Variants in PDE6C observed in about 807,000 individuals in gnomAD.
PDE6C encodes phosphodiesterase 6C, also known as cone cGMP-specific 3',5'-cyclic phosphodiesterase subunit alpha'.
In PDE6C, 75 loss-of-function variants were observed where a neutral mutation model predicts 113.1. The observed-to-expected ratio is 0.66, with a 90% CI of 0.55 to 0.80. The LOEUF is 0.80. Ranked by LOEUF, PDE6C falls within the 30% of genes least tolerant of loss-of-function variation. PDE6C has a pLI of 0.00. For missense variants in PDE6C, 912 were observed against 1,038.6 expected, an observed-to-expected ratio of 0.88 and a Z score of 1.67; for synonymous variants, 375 against 363.7, an observed-to-expected ratio of 1.03 and a Z score of -0.35.
At chr10:93,664,693 A>G (rs1340128176) in intron 21 of PDE6C, among the ~76,000 whole-genome samples, 1 of 152,150 alleles carries the variant, frequency 6.6e-6, no homozygotes, top group Non-Finnish European at 1.5e-5. Context: ...ACAAAAATTT[A>G]CTTCTGAGTT....
rs575953970 is a variant in PDE6C at position 93,620,882 on chromosome 10, C to T, written c.634-9C>T. On this transcript the variant is annotated splice_polypyrimidine_tract_variant and intron_variant, in intron 2 of 21. Transcript: ENST00000371447. ...ACAACCATAACTTGTTATTCTCTGC[C>T]GTCTGTAGGTCTTTTCCAAATACCT... The T allele has an allele frequency of 2.3e-5, 37 of 1,613,196 alleles. 1 individual carries two copies. The highest frequency in any genetic ancestry group is 1.2e-4 in the Admixed American group (7 of 60,020).
Position 93,640,169 on chromosome 10 carries a change from C to T in PDE6C, c.1582C>T (p.Leu528=). 1 of 1,613,340 alleles carries T rather than the reference C, an allele frequency of 6.2e-7. No homozygotes were observed. Among genetic ancestry groups the T allele is most frequent in the Non-Finnish European group, 8.5e-7 (1 of 1,179,320 alleles). ...EHGLIKCGIR[L]FFEINVVEKF... is the part of the protein sequence containing the mutation. ...CGGATTGATTAAATGTGGAATACGA[C>T]TGTTTTTTGAAATAAATGTGGTGGA... Residue 528 remains leucine, a synonymous_variant, in exon 12 of 22, where the codon CTG becomes TTG. Transcript: ENST00000371447.
intron 15 of PDE6C, among the ~76,000 whole-genome samples, chr10:93,651,869 G>C (rs1427996524): frequency 6.6e-6 from 1 of 152,148 alleles, no homozygotes; most frequent in East Asian, 1.9e-4. Flanking sequence ...GTTGTTTTGT[G>C]TTGTCAAAGT....
intron 1 of PDE6C, among the ~76,000 whole-genome samples, chr10:93,614,967 A>G (rs962680663): frequency 2.6e-5 from 4 of 152,188 alleles, no homozygotes; most frequent in Non-Finnish European, 5.9e-5. Flanking sequence ...TTTTCTCTCT[A>G]GAGTGGGGAT....
chr10:93,623,446 C>T lies in PDE6C; in HGVS notation c.864+1374C>T, dbSNP rs149029110. Reference sequence around the variant, plus strand: ...TCTCTTAACAGTGTCTGCTGCAGAGCAGAAGGTTTTAATTTTAATGAAGTC... The same window carrying T: ...TCTCTTAACAGTGTCTGCTGCAGAGTAGAAGGTTTTAATTTTAATGAAGTC... On this transcript the variant is annotated intron_variant, in intron 4 of 21. Coordinates refer to ENST00000371447, the MANE Select transcript of PDE6C (RefSeq NM_006204.4). Among the ~76,000 whole-genome samples, 122 of 152,258 alleles carry T rather than the reference C, an allele frequency of 8.0e-4. 1 individual carries two copies. The East Asian group carries it at 0.022, about 28-fold the overall frequency.
In PDE6C at chr10:93,640,910, AT is replaced by A. The variant is rs758568616; in HGVS notation, c.1738-3del. 15 of 1,541,978 alleles carry A rather than the reference AT, an allele frequency of 9.7e-6. No individual in the cohort carries two copies. The highest frequency in any genetic ancestry group is 2.2e-5 in the East Asian group (1 of 44,454). On this transcript the variant is annotated splice_polypyrimidine_tract_variant and intron_variant, in intron 13 of 21. Coordinates refer to ENST00000371447, the MANE Select transcript of PDE6C (RefSeq NM_006204.4). ...AATTATAGATATGCATATATATGTT[AT>A]TTTTTTAGACAGGAAGATTAAAGAA...
intron 16 of PDE6C, among the ~76,000 whole-genome samples, chr10:93,657,818 C>T (rs1365219803): frequency 2.0e-5 from 3 of 151,986 alleles, no homozygotes; most frequent in Non-Finnish European, 2.9e-5. Flanking sequence ...CAATTTCATG[C>T]TACATTACAA....
chr10:93,664,174 A>AT (rs1257932109), intron 21 of PDE6C, among the ~76,000 whole-genome samples: 2 of 152,138 alleles, frequency 1.3e-5, no homozygotes, highest in African/African-American at 4.8e-5. Flanking sequence ...ATCTTGAACA[A>AT]TTTACCATTT....
chr10:93,624,456 T>C lies in PDE6C; in HGVS notation c.865-1119T>C, dbSNP rs539492054. Among the ~76,000 whole-genome samples, 4 of 152,304 alleles carry C rather than the reference T, an allele frequency of 2.6e-5. 1 individual carries two copies. The highest frequency in any genetic ancestry group is 9.6e-5 in the African/African-American group (4 of 41,562). ...TTTCGCCACGTTGGCCAGACTGGTC[T>C]CGAACTCCTGTCCTCAAGTGATCCG... On this transcript the variant is annotated intron_variant, in intron 4 of 21. Coordinates refer to ENST00000371447, the MANE Select transcript of PDE6C (RefSeq NM_006204.4).
chr10:93,663,524 T>G (rs1027036925), intron 21 of PDE6C, among the ~76,000 whole-genome samples: 2 of 151,992 alleles, frequency 1.3e-5, no homozygotes, highest in Admixed American at 1.3e-4. Flanking sequence ...GAGAAAAAAG[T>G]TTTTGTCCCA....
chr10:93,665,318 T>C (rs751310032), intron 21 of PDE6C, 42 bp from the exon 22 acceptor site: 2 of 1,377,906 alleles, frequency 1.5e-6, no homozygotes, highest in East Asian at 4.6e-5. Context: ...ACACTGTATA[T>C]CCACTAACTC....
chr10:93,656,056 C>T (rs990530342), intron 16 of PDE6C, among the ~76,000 whole-genome samples, 196 bp downstream of exon 16: 13 of 152,120 alleles, frequency 8.5e-5, no homozygotes, highest in Admixed American at 7.9e-4. Context: ...AGATGCCTGC[C>T]AGTAAATTTA....
intron 8 of PDE6C, among the ~76,000 whole-genome samples, chr10:93,632,435 GA>G (rs1490017889): frequency 1.3e-5 from 2 of 152,162 alleles, no homozygotes; most frequent in Non-Finnish European, 2.9e-5. Flanking sequence ...TTCACAGGAG[GA>G]AAAGTGTATA....
intron 16 of PDE6C, among the ~76,000 whole-genome samples, chr10:93,657,382 C>T (rs936499246): frequency 8.1e-6 from 1 of 123,754 alleles, no homozygotes; most frequent in Non-Finnish European, 1.6e-5. Flanking sequence ...TGGGGTTTCA[C>T]CATGTTGGCC....
intron 15 of PDE6C, among the ~76,000 whole-genome samples, chr10:93,654,256 G>A (rs2058622292): frequency 6.6e-6 from 1 of 152,158 alleles, no homozygotes; most frequent in African/African-American, 2.4e-5. Context: ...GAAGTCTCTA[G>A]GATTATACCA....
At chr10:93,654,810 C>CTTTCTTTCTTTCTTTTTT (rs1554891606) in intron 15 of PDE6C, among the ~76,000 whole-genome samples, 2 of 77,116 alleles carry the variant, frequency 2.6e-5, no homozygotes, top group Admixed American at 2.9e-4. Context: ...TTCTTTCTTT[C>CTTTCTTTCTTTCTTTTTT]TTTTTTTTTT....
In PDE6C at chr10:93,662,144, G is replaced by A; in HGVS notation, c.2283+11G>A. The A allele has an allele frequency of 6.4e-7, 1 of 1,558,590 alleles. No homozygotes were observed. Among genetic ancestry groups the A allele is most frequent in the African/African-American group, 1.4e-5 (1 of 73,908 alleles). ...CAGCAACAACCCATTGTAAGACCTT[G>A]ACATAAAAATGTATTACTTATTAAA... is the stretch of plus-strand genomic sequence containing the variant. On this transcript the variant is annotated intron_variant, in intron 19 of 21. Coordinates refer to ENST00000371447, the MANE Select transcript of PDE6C (RefSeq NM_006204.4).
intron 16 of PDE6C, among the ~76,000 whole-genome samples, chr10:93,657,161 T>C (rs986660718): frequency 1.3e-5 from 2 of 151,618 alleles, no homozygotes; most frequent in Admixed American, 6.6e-5. Context: ...GTTTTTTTTG[T>C]TTGGTTTCTT....
chr10:93,630,696 C>T (rs1208490288), intron 8 of PDE6C, among the ~76,000 whole-genome samples: 1 of 152,152 alleles, frequency 6.6e-6, no homozygotes, highest in African/African-American at 2.4e-5. Context: ...CCCATCTCTG[C>T]CTTTTAGGAA....
Sources: allele counts gnomAD v4.1 joint callset (sites outside exome capture counted in the v4.1 genomes callset), GRCh38; gene constraint gnomAD v4.1.1; transcripts MANE v1.5; gene names NCBI Gene and HGNC (gene_info 2026-07-23, HGNC 2026-07-21).